Variants in VGLL4 observed in about 807,000 individuals in gnomAD.
VGLL4 encodes transcription cofactor vestigial-like protein 4.
VGLL4 carries 7 observed loss-of-function variants against 21.0 expected under a neutral mutation model. The observed-to-expected ratio is 0.33, with a 90% CI of 0.19 to 0.63. The LOEUF (loss-of-function observed/expected upper bound fraction) is 0.63. Ranked by LOEUF, VGLL4 falls within the 20% of genes least tolerant of loss-of-function variation. The probability of loss-of-function intolerance (pLI) is 0.78; values close to 1 mark genes in which losing one functional copy is unlikely to be tolerated. For synonymous variants in VGLL4, 222 were observed against 173.2 expected (o/e 1.28, Z -2.21); for missense variants, 394 against 425.7 (o/e 0.93, Z 0.66).
intron 1 of VGLL4, among the ~76,000 whole-genome samples, chr3:11,614,333 T>C (rs2075119717): frequency 6.6e-6 from 1 of 152,254 alleles, no homozygotes; most frequent in Non-Finnish European, 1.5e-5. Context: ...ACTCAAAAAC[T>C]ACTCATTTCT....
intron 1 of VGLL4, chr3:11,710,668 T>C (rs965119934): frequency 6.6e-6 from 1 of 152,060 alleles, no homozygotes; most frequent in Non-Finnish European, 1.5e-5. Context: ...CCTTCATGAG[T>C]CCAAACTCTG....
chr3:11,679,818 T>G (rs1443171957), intron 2 of VGLL4, among the ~76,000 whole-genome samples: 1 of 152,232 alleles, frequency 6.6e-6, no homozygotes, highest in East Asian at 1.9e-4. Flanking sequence ...GTTTATCAAG[T>G]TAAAGGTACA....
chr3:11,596,428 G>C (rs1026765491), intron 2 of VGLL4, among the ~76,000 whole-genome samples: 1 of 152,218 alleles, frequency 6.6e-6, no homozygotes, highest in Non-Finnish European at 1.5e-5. Context: ...TTGGCACCAT[G>C]CTTCTGAAAC....
At chr3:11,649,791 A>G (rs1201815940) in intron 2 of VGLL4, among the ~76,000 whole-genome samples, 9 of 152,180 alleles carry the variant, frequency 5.9e-5, no homozygotes, top group African/African-American at 2.2e-4. Flanking sequence ...ATTATGTCAT[A>G]TGTCAGTACC....
chr3:11,689,738 C>T (rs2076499740), intron 2 of VGLL4, among the ~76,000 whole-genome samples: 1 of 152,208 alleles, frequency 6.6e-6, no homozygotes, highest in African/African-American at 2.4e-5. Context: ...GGTATTAACG[C>T]TCTCCTGGGG....
At chr3:11,647,415 C>A (rs1050084481), upstream of VGLL4, among the ~76,000 whole-genome samples, 2 of 152,176 alleles carry the variant, frequency 1.3e-5, no homozygotes, top group Non-Finnish European at 2.9e-5. Context: ...TCACACCCTA[C>A]GCCAAGCTAT....
At chr3:11,702,791 G>T in intron 2 of VGLL4, 5 of 341,850 alleles carry the variant, frequency 1.5e-5, no homozygotes, top group Non-Finnish European at 2.6e-5. Flanking sequence ...CCAGTTAAAA[G>T]ACTTACATGT....
chr3:11,704,533 G>A (rs921024752), intron 1 of VGLL4, among the ~76,000 whole-genome samples: 1 of 150,674 alleles, frequency 6.6e-6, no homozygotes, highest in Non-Finnish European at 1.5e-5. Flanking sequence ...AGCTGCCTTC[G>A]AGGAGCTTTC....
intron 1 of VGLL4, among the ~76,000 whole-genome samples, chr3:11,615,540 A>G (rs1237723547): frequency 1.3e-5 from 2 of 152,234 alleles, no homozygotes; most frequent in Non-Finnish European, 2.9e-5. Flanking sequence ...CCTGCAGTAC[A>G]CACAGATTGC....
At chr3:11,672,238 A>G (rs1364325616) in intron 2 of VGLL4, among the ~76,000 whole-genome samples, 2 of 152,230 alleles carry the variant, frequency 1.3e-5, no homozygotes, top group Non-Finnish European at 2.9e-5. Context: ...ACAAAACTGG[A>G]ATTTAAGTAC....
upstream of VGLL4, among the ~76,000 whole-genome samples, chr3:11,646,844 C>T (rs974661313): frequency 2.6e-5 from 4 of 152,122 alleles, no homozygotes; most frequent in Non-Finnish European, 5.9e-5. Context: ...GAGGCTAGCA[C>T]GGTGCTACCC....
At chr3:11,562,639 G>A (rs1383252872) in intron 3 of VGLL4, among the ~76,000 whole-genome samples, 1 of 152,234 alleles carries the variant, frequency 6.6e-6, no homozygotes, top group Non-Finnish European at 1.5e-5. Flanking sequence ...TGGTGTGCAT[G>A]GCCTCAGCCC....
chr3:11,673,612 T>C (rs999344187), intron 2 of VGLL4, among the ~76,000 whole-genome samples: 6 of 152,158 alleles, frequency 3.9e-5, no homozygotes, highest in Non-Finnish European at 7.3e-5. Flanking sequence ...TAGTTGCTTT[T>C]TCTTCTAAAC....
chr3:11,574,085 C>T (rs1408515608), intron 2 of VGLL4, among the ~76,000 whole-genome samples: 1 of 152,154 alleles, frequency 6.6e-6, no homozygotes, highest in Non-Finnish European at 1.5e-5. Context: ...AGCAGCCAGC[C>T]CTGCTGACAC....
At chr3:11,570,889 A>G (rs1388298970) in intron 2 of VGLL4, among the ~76,000 whole-genome samples, 1 of 152,108 alleles carries the variant, frequency 6.6e-6, no homozygotes. Context: ...TCCCCTTGTG[A>G]GTGGGAGAAT....
chr3:11,697,556 T>C (rs1358172572), intron 2 of VGLL4, among the ~76,000 whole-genome samples: 2 of 152,060 alleles, frequency 1.3e-5, no homozygotes, highest in African/African-American at 2.4e-5. Flanking sequence ...AGAGGTTCAC[T>C]TGGCTGATGC....
At chr3:11,573,335 G>C (rs2073919158) in intron 2 of VGLL4, among the ~76,000 whole-genome samples, 1 of 64,078 alleles carries the variant, frequency 1.6e-5, no homozygotes. Context: ...AAGAAAGAAA[G>C]AAAGAAAGAA....
chr3:11,642,784 G>T (rs1004082772), intron 1 of VGLL4, among the ~76,000 whole-genome samples: 3 of 152,212 alleles, frequency 2.0e-5, no homozygotes, highest in Non-Finnish European at 4.4e-5. Context: ...GCAGGCTGGG[G>T]GTCGGGGTGT....
At chr3:11,646,487 T>C (rs574548787), upstream of VGLL4, among the ~76,000 whole-genome samples, 2 of 152,038 alleles carry the variant, frequency 1.3e-5, no homozygotes, top group African/African-American at 4.8e-5. Context: ...CCAGCAGCAG[T>C]AGCTTCTAAA....
Sources: gnomAD v4.1 joint callset for allele counts (sites outside exome capture counted in the v4.1 genomes callset) on GRCh38, gnomAD v4.1.1 for gene constraint, MANE v1.5 for transcripts, NCBI Gene and HGNC (gene_info 2026-07-23, HGNC 2026-07-21) for gene names.